ANO3: variants seen among roughly 807,000 people sequenced by gnomAD.
ANO3 encodes anoctamin 3, also known as anoctamin-3.
ANO3 carries 99 observed loss-of-function variants against 144.8 expected under a neutral mutation model. The ratio of observed to expected loss-of-function variants is 0.68; its 90% CI spans 0.58 to 0.81. The LOEUF is 0.81. Ranked by LOEUF, ANO3 falls within the 30% of genes least tolerant of loss-of-function variation. The pLI, the probability that ANO3 is intolerant of heterozygous loss-of-function variation, is 0.00. For synonymous variants in ANO3, 414 were observed against 392.6 expected (o/e 1.05, Z -0.64); for missense variants, 905 against 1,202.2 (o/e 0.75, Z 3.66).
intron 1 of ANO3, among the ~76,000 whole-genome samples, chr11:26,204,901 G>A (rs575524706): frequency 1.1e-3 from 170 of 152,218 alleles, no homozygotes; most frequent in African/African-American, 3.9e-3. Flanking sequence ...TTCTCATACT[G>A]CTATGGAGAA....
intron 4 of ANO3, 85 bp from the exon 5 acceptor site, chr11:26,508,019 G>A: frequency 8.5e-7 from 1 of 1,173,576 alleles, no homozygotes; most frequent in Non-Finnish European, 1.2e-6. Flanking sequence ...ATATTGTATT[G>A]CCAGTGTTCA....
intron 1 of ANO3, among the ~76,000 whole-genome samples, chr11:26,272,353 A>G (rs1853458359): frequency 1.3e-5 from 2 of 152,184 alleles, no homozygotes; most frequent in African/African-American, 4.8e-5. Context: ...CATAAGGACC[A>G]TTGTTTTAAT....
At chr11:26,551,487 A>C (rs997413517) in intron 12 of ANO3, among the ~76,000 whole-genome samples, 2 of 151,994 alleles carry the variant, frequency 1.3e-5, no homozygotes, top group African/African-American at 4.8e-5. Flanking sequence ...ACCATGTATC[A>C]AGTTGAATGT....
chr11:26,210,161 T>C (rs1006807854), intron 1 of ANO3, among the ~76,000 whole-genome samples: 4 of 152,184 alleles, frequency 2.6e-5, no homozygotes, highest in Admixed American at 1.3e-4. Context: ...TTAATTTTTG[T>C]ATAAGGTGTA....
At chr11:26,412,370 CA>C (rs1857455634) in intron 1 of ANO3, among the ~76,000 whole-genome samples, 1 of 151,574 alleles carries the variant, frequency 6.6e-6, no homozygotes, top group African/African-American at 2.4e-5. Flanking sequence ...TTTGACTAGA[CA>C]AAAATAGGGA....
intron 1 of ANO3, among the ~76,000 whole-genome samples, chr11:26,285,452 C>A (rs145106478): frequency 6.6e-6 from 1 of 152,186 alleles, no homozygotes; most frequent in East Asian, 1.9e-4. Flanking sequence ...ATATTTAATA[C>A]ATATTTAAGA....
intron 1 of ANO3, among the ~76,000 whole-genome samples, chr11:26,357,538 A>T: frequency 6.6e-6 from 1 of 151,670 alleles, no homozygotes; most frequent in African/African-American, 2.4e-5. Flanking sequence ...TTTTTTTTTA[A>T]ATCAGGTCAT....
chr11:26,633,971 G>C (rs1004707523), intron 18 of ANO3, among the ~76,000 whole-genome samples: 12 of 151,856 alleles, frequency 7.9e-5, no homozygotes, highest in African/African-American at 2.9e-4. Flanking sequence ...CCAGCTACTT[G>C]GGAGGCTGAG....
intron 1 of ANO3, among the ~76,000 whole-genome samples, chr11:26,230,374 G>A (rs1852364839): frequency 1.3e-5 from 2 of 152,100 alleles, no homozygotes; most frequent in African/African-American, 4.8e-5. Context: ...AATAGAAACA[G>A]GGATAAGAAA....
intron 1 of ANO3, among the ~76,000 whole-genome samples, chr11:26,196,940 G>T (rs767692966): frequency 2.1e-4 from 32 of 152,154 alleles, no homozygotes; most frequent in Non-Finnish European, 4.3e-4. Flanking sequence ...ATAAAACATA[G>T]CCCCTGATTT....
chr11:26,338,927 G>A lies in ANO3; in HGVS notation c.46+6606G>A, dbSNP rs752349809. Among the ~76,000 whole-genome samples, 82 of 152,200 alleles carry A rather than the reference G, an allele frequency of 5.4e-4. 2 individuals carry two copies. The highest frequency in any genetic ancestry group is 2.1e-4 in the Non-Finnish European group (14 of 68,042). On this transcript the variant is annotated intron_variant, in intron 1 of 26. Transcript: ENST00000256737. ...TCATTCTTGAAGTCAGCGAGACCAA[G>A]AACCCACTGGAAGGAATAAATTCCG...
intron 1 of ANO3, among the ~76,000 whole-genome samples, chr11:26,246,080 CAGAAG>C: frequency 6.6e-6 from 1 of 152,092 alleles, no homozygotes; most frequent in East Asian, 1.9e-4. Flanking sequence ...CTGGGAGGAA[CAGAAG>C]AGGAGAGATT....
chr11:26,659,504 G>A (rs899048532), intron 26 of ANO3, among the ~76,000 whole-genome samples: 7 of 151,886 alleles, frequency 4.6e-5, no homozygotes, highest in African/African-American at 1.7e-4. Flanking sequence ...GGCCAGTCTA[G>A]GCAATGTGGT....
intron 16 of ANO3, 123 bp downstream of exon 16, chr11:26,599,121 T>A: frequency 9.9e-7 from 1 of 1,011,124 alleles, no homozygotes; most frequent in South Asian, 1.5e-5. Context: ...AACAACTTGG[T>A]AACACGTACA....
At chr11:26,630,399 G>T (rs1300797963) in intron 18 of ANO3, among the ~76,000 whole-genome samples, 1 of 152,200 alleles carries the variant, frequency 6.6e-6, no homozygotes, top group Non-Finnish European at 1.5e-5. Flanking sequence ...TGGCCACATA[G>T]ATTCCTTTAT....
chr11:26,563,031 A>G (rs1850355044), intron 14 of ANO3: 3 of 1,496,934 alleles, frequency 2.0e-6, no homozygotes, highest in South Asian at 2.8e-5. Flanking sequence ...TTTTGGAATT[A>G]CCTTCTAGGC....
At chr11:26,537,496 A>G in intron 10 of ANO3, 35 bp downstream of exon 10, 1 of 1,548,604 alleles carries the variant, frequency 6.5e-7, no homozygotes. Context: ...TTTATAAACA[A>G]GGTTTTCATG....
chr11:26,366,660 G>A (rs1250474943), intron 1 of ANO3, among the ~76,000 whole-genome samples: 5 of 151,990 alleles, frequency 3.3e-5, no homozygotes, highest in Admixed American at 6.6e-5. Flanking sequence ...ACTTTTTAAT[G>A]ATTGCCATTC....
At chr11:26,263,089 T>C (rs1480398158) in intron 1 of ANO3, among the ~76,000 whole-genome samples, 4 of 152,346 alleles carry the variant, frequency 2.6e-5, no homozygotes, top group Admixed American at 6.5e-5. Flanking sequence ...CCAAGCTTTC[T>C]CCCTGCCAGT....
Sources: allele counts gnomAD v4.1 joint callset (sites outside exome capture counted in the v4.1 genomes callset), GRCh38; gene constraint gnomAD v4.1.1; transcripts MANE v1.5; gene names NCBI Gene and HGNC (gene_info 2026-07-23, HGNC 2026-07-21).